CDH13: variants seen among roughly 807,000 people sequenced by gnomAD.
CDH13 encodes cadherin 13, also known as cadherin-13.
CDH13 carries 24 observed loss-of-function variants against 63.8 expected under a neutral mutation model. The observed-to-expected ratio is 0.38, with a 90% CI of 0.27 to 0.53. CDH13 has a LOEUF of 0.53. CDH13 is among the 20% of genes least tolerant of loss of function. The probability of loss-of-function intolerance (pLI) is 0.85; values close to 1 mark genes in which losing one functional copy is unlikely to be tolerated. For missense variants in CDH13, 1,049 were observed against 903.1 expected (o/e 1.16, Z -2.07); for synonymous variants, 503 against 355.3 (o/e 1.42, Z -4.67).
chr16:82,706,917 A>T (rs1391508097), intron 1 of CDH13, among the ~76,000 whole-genome samples: 1 of 152,218 alleles, frequency 6.6e-6, no homozygotes, highest in African/African-American at 2.4e-5. Context: ...TTTTACGAAT[A>T]TTCTAGTTTA....
chr16:82,842,905 C>T (rs1169036468), intron 1 of CDH13, among the ~76,000 whole-genome samples: 2 of 152,100 alleles, frequency 1.3e-5, no homozygotes, highest in African/African-American at 2.4e-5. Context: ...TCACAAAGCA[C>T]CTATAAGACT....
intron 2 of CDH13, among the ~76,000 whole-genome samples, chr16:82,993,278 A>G (rs758035040): frequency 1.4e-4 from 22 of 152,202 alleles, no homozygotes; most frequent in Non-Finnish European, 2.4e-4. Context: ...CTCCCACCGT[A>G]GAGCATTGGT....
intron 2 of CDH13, among the ~76,000 whole-genome samples, chr16:82,902,193 A>G (rs538975241): frequency 7.6e-4 from 116 of 152,254 alleles, no homozygotes; most frequent in Non-Finnish European, 1.3e-3. Flanking sequence ...GCCATTTTTC[A>G]TGATATGCGT....
At chr16:83,353,277 C>T (rs1014916488) in intron 6 of CDH13, among the ~76,000 whole-genome samples, 4 of 152,226 alleles carry the variant, frequency 2.6e-5, no homozygotes, top group African/African-American at 9.6e-5. Context: ...TCTGAAGGTC[C>T]TCTGGTGATA....
intron 2 of CDH13, among the ~76,000 whole-genome samples, chr16:82,996,224 A>G (rs1295285860): frequency 1.3e-5 from 2 of 152,094 alleles, no homozygotes; most frequent in African/African-American, 4.8e-5. Context: ...CCTGTTGTAT[A>G]TCGAAAATCA....
chr16:82,947,907 G>C (rs1904905340), intron 2 of CDH13, among the ~76,000 whole-genome samples: 1 of 152,294 alleles, frequency 6.6e-6, no homozygotes, highest in South Asian at 2.1e-4. Flanking sequence ...CTAGTTGGGA[G>C]TGTGTGACAT....
intron 8 of CDH13, among the ~76,000 whole-genome samples, chr16:83,620,449 G>A (rs1262379842): frequency 6.6e-6 from 1 of 150,720 alleles, no homozygotes; most frequent in African/African-American, 2.4e-5. Flanking sequence ...GAGCCCCCAT[G>A]CTGCTTAGGA....
At chr16:83,465,725 G>A (rs919120261) in intron 6 of CDH13, among the ~76,000 whole-genome samples, 4 of 152,180 alleles carry the variant, frequency 2.6e-5, no homozygotes, top group African/African-American at 9.7e-5. Flanking sequence ...GGCTTTCTGT[G>A]GGGTAGGATG....
At chr16:83,550,441 T>C (rs2075469326) in intron 7 of CDH13, among the ~76,000 whole-genome samples, 1 of 152,218 alleles carries the variant, frequency 6.6e-6, no homozygotes, top group Non-Finnish European at 1.5e-5. Flanking sequence ...CATTTGGTGA[T>C]TGAATGTTGC....
At chr16:83,338,184 T>TTAAA (rs1555532118) in intron 5 of CDH13, among the ~76,000 whole-genome samples, 2 of 135,098 alleles carry the variant, frequency 1.5e-5, no homozygotes, top group Non-Finnish European at 3.1e-5. Flanking sequence ...CTCTTCTTTT[T>TTAAA]AAAAAAAAAA....
chr16:83,487,544 C>A (rs1189505011), intron 7 of CDH13, among the ~76,000 whole-genome samples: 5 of 152,142 alleles, frequency 3.3e-5, no homozygotes, highest in Non-Finnish European at 7.3e-5. Flanking sequence ...GTGTAGCTTA[C>A]CATAAGCTAC....
At chr16:83,004,005 C>T (rs1416450289) in intron 2 of CDH13, among the ~76,000 whole-genome samples, 6 of 152,110 alleles carry the variant, frequency 3.9e-5, no homozygotes, top group African/African-American at 9.7e-5. Context: ...TCAAGACAAT[C>T]GAATGTGTCA....
chr16:83,580,089 G>T (rs537793368), intron 7 of CDH13, among the ~76,000 whole-genome samples: 26 of 152,248 alleles, frequency 1.7e-4, no homozygotes, highest in Admixed American at 5.2e-4. Flanking sequence ...AGGAAATGCA[G>T]GCAGAGGGGG....
chr16:83,653,269 A>G (rs1187187360), intron 8 of CDH13, among the ~76,000 whole-genome samples: 1 of 152,202 alleles, frequency 6.6e-6, no homozygotes, highest in African/African-American at 2.4e-5. Flanking sequence ...GAATCCATTC[A>G]TATGTACAAT....
chr16:83,322,771 A>G (rs549518077), intron 5 of CDH13, among the ~76,000 whole-genome samples: 1 of 152,250 alleles, frequency 6.6e-6, no homozygotes, highest in African/African-American at 2.4e-5. Context: ...CAGTCATTAT[A>G]ATGTCAGGAC....
chr16:82,685,588 G>A (rs1480055393), intron 1 of CDH13, among the ~76,000 whole-genome samples: 2 of 152,220 alleles, frequency 1.3e-5, no homozygotes, highest in Non-Finnish European at 2.9e-5. Context: ...AGATGTGTTT[G>A]TGCCTGTGTG....
chr16:83,120,023 C>T (rs2035492108), intron 3 of CDH13, among the ~76,000 whole-genome samples: 1 of 146,386 alleles, frequency 6.8e-6, no homozygotes, highest in Admixed American at 7.2e-5. Flanking sequence ...TCAGAAGAAG[C>T]AGGATGTCCT....
chr16:83,413,907 G>A (rs1166221851), intron 6 of CDH13, among the ~76,000 whole-genome samples: 4 of 152,132 alleles, frequency 2.6e-5, no homozygotes, highest in African/African-American at 7.2e-5. Context: ...CAGAAAAATT[G>A]CTTGAACCTG....
chr16:83,040,647 C>CT (rs1383163739), intron 3 of CDH13, among the ~76,000 whole-genome samples: 3 of 152,194 alleles, frequency 2.0e-5, no homozygotes, highest in Non-Finnish European at 4.4e-5. Context: ...GAGGGTGGGT[C>CT]TGCCTCTCCC....
Sources: allele counts gnomAD v4.1 joint callset (sites outside exome capture counted in the v4.1 genomes callset), GRCh38; gene constraint gnomAD v4.1.1; transcripts MANE v1.5; gene names NCBI Gene and HGNC (gene_info 2026-07-23, HGNC 2026-07-21).